Variants in ABTB3 observed in about 807,000 individuals in gnomAD.
ABTB3 encodes the protein ankyrin repeat and BTB domain containing 3.
the ABTB3 span, among the ~76,000 whole-genome samples, chr12:107,511,575 G>A: frequency 3.3e-5 from 5 of 151,998 alleles, no homozygotes; most frequent in African/African-American, 4.8e-5. Context: ...TCTTGGTGGC[G>A]GCAGGGTTCT....
At chr12:107,504,380 A>AACACAC in the ABTB3 span, among the ~76,000 whole-genome samples, 1 of 150,890 alleles carries the variant, frequency 6.6e-6, no homozygotes, top group African/African-American at 2.4e-5. Context: ...CATGCCCGTA[A>AACACAC]ACACACACAC....
chr12:107,414,469 C>T, the ABTB3 span, among the ~76,000 whole-genome samples: 4 of 152,046 alleles, frequency 2.6e-5, no homozygotes, highest in African/African-American at 9.7e-5. Context: ...CGAGCATGCA[C>T]CCTCATGATA....
the ABTB3 span, among the ~76,000 whole-genome samples, chr12:107,509,609 A>G: frequency 6.6e-6 from 1 of 152,142 alleles, no homozygotes; most frequent in Non-Finnish European, 1.5e-5. Context: ...CAGCAGGGTG[A>G]CCCCAAGTCA....
the ABTB3 span, among the ~76,000 whole-genome samples, chr12:107,428,740 A>C: frequency 2.8e-4 from 43 of 152,380 alleles, no homozygotes; most frequent in African/African-American, 9.6e-4. Context: ...AGTCCAAACT[A>C]AAATTCCACA....
the ABTB3 span, among the ~76,000 whole-genome samples, chr12:107,474,482 G>C: frequency 8.5e-5 from 13 of 152,310 alleles, no homozygotes; most frequent in Non-Finnish European, 1.6e-4. Context: ...AGGGATGCTT[G>C]AGCAAAGATT....
the ABTB3 span, among the ~76,000 whole-genome samples, chr12:107,430,967 A>G: frequency 6.6e-6 from 1 of 152,222 alleles, no homozygotes; most frequent in Non-Finnish European, 1.5e-5. Flanking sequence ...TGATTTAAAG[A>G]TTATGTTTAC....
At chr12:107,642,441 T>TG in the ABTB3 span, among the ~76,000 whole-genome samples, 1 of 152,012 alleles carries the variant, frequency 6.6e-6, no homozygotes, top group Non-Finnish European at 1.5e-5. Flanking sequence ...TCAGAGTCTG[T>TG]GGGGGGCGGG....
the ABTB3 span, among the ~76,000 whole-genome samples, chr12:107,480,953 T>A: frequency 6.6e-6 from 1 of 152,008 alleles, no homozygotes; most frequent in Admixed American, 6.5e-5. Context: ...AGGGTAGAAG[T>A]TAAATAAACA....
At chr12:107,376,965 C>A in the ABTB3 span, among the ~76,000 whole-genome samples, 1 of 152,116 alleles carries the variant, frequency 6.6e-6, no homozygotes, top group African/African-American at 2.4e-5. Context: ...TGTTTTTCTG[C>A]TTTTCAATGA....
the ABTB3 span, among the ~76,000 whole-genome samples, chr12:107,388,995 T>C: frequency 9.9e-6 from 1 of 100,636 alleles, no homozygotes; most frequent in East Asian, 3.2e-4. Flanking sequence ...TTTTTCCTTT[T>C]GGAGTGAACC....
chr12:107,427,954 C>G, the ABTB3 span, among the ~76,000 whole-genome samples: 1 of 152,174 alleles, frequency 6.6e-6, no homozygotes, highest in South Asian at 2.1e-4. Context: ...ATGTTAGCAC[C>G]TTTGCACACA....
the ABTB3 span, among the ~76,000 whole-genome samples, chr12:107,499,362 CT>C: frequency 6.7e-6 from 1 of 149,572 alleles, no homozygotes; most frequent in African/African-American, 2.5e-5. Context: ...AAGAGGGAAG[CT>C]GTGTGTGTGT....
At chr12:107,594,992 A>C in the ABTB3 span, among the ~76,000 whole-genome samples, 2 of 151,964 alleles carry the variant, frequency 1.3e-5, no homozygotes, top group Non-Finnish European at 2.9e-5. Flanking sequence ...ACCTCTACCT[A>C]CTAGATACCA....
At chr12:107,319,524 G>T in the ABTB3 span, 1 of 1,565,148 alleles carries the variant, frequency 6.4e-7, no homozygotes. Flanking sequence ...AGCAGCGCCG[G>T]CGGCGACCGC....
At chr12:107,352,430 C>T in the ABTB3 span, among the ~76,000 whole-genome samples, 1 of 152,160 alleles carries the variant, frequency 6.6e-6, no homozygotes, top group Non-Finnish European at 1.5e-5. Context: ...AAACAGGAAC[C>T]ACATTGTGCA....
chr12:107,442,294 T>C, the ABTB3 span, among the ~76,000 whole-genome samples: 1 of 152,214 alleles, frequency 6.6e-6, no homozygotes, highest in Admixed American at 6.5e-5. Flanking sequence ...ATTCGGGTCC[T>C]ATTAGAATTT....
At chr12:107,448,686 G>A in the ABTB3 span, among the ~76,000 whole-genome samples, 1 of 151,184 alleles carries the variant, frequency 6.6e-6, no homozygotes, top group African/African-American at 2.4e-5. Context: ...TGTCACCCAG[G>A]CTGGAGTGCA....
chr12:107,352,334 G>T, the ABTB3 span, among the ~76,000 whole-genome samples: 7 of 152,178 alleles, frequency 4.6e-5, no homozygotes, highest in East Asian at 1.9e-4. Flanking sequence ...AGCACTTGGG[G>T]AATTGAGCGC....
chr12:107,449,541 T>A, the ABTB3 span, among the ~76,000 whole-genome samples: 1 of 152,216 alleles, frequency 6.6e-6, no homozygotes, highest in Non-Finnish European at 1.5e-5. Context: ...TCATACTGTG[T>A]TGGCCACCGA....
Sources: allele counts gnomAD v4.1 joint callset (sites outside exome capture counted in the v4.1 genomes callset), GRCh38; gene constraint gnomAD v4.1.1; transcripts MANE v1.5; gene names NCBI Gene and HGNC (gene_info 2026-07-23, HGNC 2026-07-21).